EFCAB6: variants seen among roughly 807,000 people sequenced by gnomAD.
The protein encoded by EFCAB6 is EF-hand calcium binding domain 6, also known as EF-hand calcium-binding domain-containing protein 6.
EFCAB6 carries 156 observed loss-of-function variants against 169.8 expected under a neutral mutation model. The observed-to-expected ratio is 0.92, with a 90% CI of 0.81 to 1.05. The LOEUF (loss-of-function observed/expected upper bound fraction) is 1.05, where lower values mean the gene tolerates loss of function less well. Ranked by LOEUF, EFCAB6 falls within the 50% of genes least tolerant of loss-of-function variation. EFCAB6 has a pLI of 0.00. For synonymous variants in EFCAB6, 698 were observed against 676.4 expected, an observed-to-expected ratio of 1.03 and a Z score of -0.50; for missense variants, 1,800 against 1,829.1, an observed-to-expected ratio of 0.98 and a Z score of 0.29.
chr22:43,621,158 G>C (rs867993153), intron 20 of EFCAB6, among the ~76,000 whole-genome samples: 1 of 150,328 alleles, frequency 6.7e-6, no homozygotes, highest in Non-Finnish European at 1.5e-5. Flanking sequence ...GTGCGATCTC[G>C]GCTCACTGCA....
intron 10 of EFCAB6, among the ~76,000 whole-genome samples, chr22:43,699,609 G>T (rs938034307): frequency 1.3e-5 from 2 of 152,174 alleles, no homozygotes; most frequent in African/African-American, 4.8e-5. Flanking sequence ...TAAGCATACA[G>T]AATGATTCCA....
At chr22:43,679,211 C>A (rs552055889) in intron 12 of EFCAB6, among the ~76,000 whole-genome samples, 84 of 152,274 alleles carry the variant, frequency 5.5e-4, no homozygotes, top group African/African-American at 1.9e-3. Context: ...TAGATATTTG[C>A]CTTTTTCTGG....
chr22:43,570,598 C>T (rs1160905234), intron 26 of EFCAB6, among the ~76,000 whole-genome samples: 3 of 138,642 alleles, frequency 2.2e-5, no homozygotes, highest in Non-Finnish European at 3.0e-5. Flanking sequence ...TGTGTGCTGC[C>T]GTTTAGGTGT....
chr22:43,565,465 T>A (rs1461597170), intron 26 of EFCAB6, among the ~76,000 whole-genome samples: 1 of 152,226 alleles, frequency 6.6e-6, no homozygotes, highest in South Asian at 2.1e-4. Context: ...AAGTAAGCTG[T>A]TGAGCACAGA....
intron 10 of EFCAB6, among the ~76,000 whole-genome samples, chr22:43,707,167 G>C (rs935434896): frequency 6.6e-6 from 1 of 152,210 alleles, no homozygotes; most frequent in African/African-American, 2.4e-5. Context: ...TTGGGATTGT[G>C]CAAGACTGGG....
In EFCAB6 at chr22:43,773,023, C is replaced by T. The variant is rs1337537790; in HGVS notation, c.220G>A (p.Glu74Lys). Residue 74 changes from glutamate (E) to lysine (K), a missense_variant, in exon 4 of 32, where the codon GAG becomes AAG. Coordinates refer to ENST00000262726, the MANE Select transcript of EFCAB6 (RefSeq NM_022785.4). ...AGCAGCTGAAAGGCTTTTTGCAACT[C>T]ATCCCCTCTGTCGGTAATTTTTTGA... ...LFQKITDRGD[E>K]LQKAFQLLDT... The T allele has an allele frequency of 3.7e-6, 6 of 1,614,110 alleles. No individual in the cohort carries two copies. The highest frequency in any genetic ancestry group is 5.1e-6 in the Non-Finnish European group (6 of 1,180,042).
intron 20 of EFCAB6, among the ~76,000 whole-genome samples, chr22:43,618,741 G>A (rs1489272465): frequency 6.6e-6 from 1 of 152,132 alleles, no homozygotes; most frequent in Non-Finnish European, 1.5e-5. Context: ...AGGAATTCCT[G>A]TTTTTGTCTC....
In EFCAB6 at chr22:43,589,821, C is replaced by A. The variant is rs529640772; in HGVS notation, c.3032+253G>T. ...AAAACAACCAAGTAAACAAAAAAAA[C>A]CCCACTGATGTTAAGAAATGGTGGC... On this transcript the variant is annotated intron_variant, in intron 24 of 31. Transcript: ENST00000262726. 4.6e-5 allele frequency among the ~76,000 whole-genome samples: 7 copies of A among 152,168 alleles called. 1 individual carries two copies. In the South Asian group the frequency reaches 6.2e-4, roughly 14 times the overall value.
intron 27 of EFCAB6, among the ~76,000 whole-genome samples, chr22:43,542,952 G>A (rs766659086): frequency 6.6e-6 from 1 of 152,114 alleles, no homozygotes; most frequent in African/African-American, 2.4e-5. Context: ...CAATCATCCC[G>A]TCTCCTTGAG....
chr22:43,642,961 A>C (rs1015472683), intron 17 of EFCAB6, among the ~76,000 whole-genome samples: 8 of 152,196 alleles, frequency 5.3e-5, no homozygotes, highest in Non-Finnish European at 1.0e-4. Context: ...CTTGCAGGAA[A>C]ACAGTGACAG....
intron 21 of EFCAB6, among the ~76,000 whole-genome samples, chr22:43,611,249 T>C (rs749448935): frequency 1.3e-5 from 2 of 152,138 alleles, no homozygotes; most frequent in Non-Finnish European, 2.9e-5. Context: ...CCATTCACAA[T>C]TGCCACAAAA....
chr22:43,530,784 G>T (rs770018138), intron 31 of EFCAB6, 31 bp downstream of exon 31: 1 of 1,611,168 alleles, frequency 6.2e-7, no homozygotes, highest in Non-Finnish European at 8.5e-7. Flanking sequence ...GCTGCTCCCT[G>T]CAGAGGCACT....
chr22:43,540,121 A>G lies in EFCAB6; in HGVS notation c.3879+6T>C. 1 of 1,613,686 alleles carries G rather than the reference A, an allele frequency of 6.2e-7. No homozygotes were observed. Among genetic ancestry groups the G allele is most frequent in the Admixed American group, 1.7e-5 (1 of 60,014 alleles). On this transcript the variant is annotated splice_donor_region_variant and intron_variant, in intron 28 of 31. Transcript: ENST00000262726. ...CCTGGGACACCTGGCAGGATGGAGA[A>G]CTCACACAGGGGTGGCTCTGCGACT...
At chr22:43,711,674 G>A (rs749657898) in intron 9 of EFCAB6, 51 bp from the exon 10 acceptor site, 1 of 1,551,296 alleles carries the variant, frequency 6.4e-7, no homozygotes, top group Non-Finnish European at 8.6e-7. Flanking sequence ...CAACTTCATG[G>A]AGCTATTCAA....
intron 4 of EFCAB6, among the ~76,000 whole-genome samples, chr22:43,766,983 C>G (rs376278498): frequency 1.3e-5 from 2 of 152,260 alleles, no homozygotes; most frequent in South Asian, 2.1e-4. Context: ...GAGATTATTT[C>G]TAAGCAAAAA....
At chr22:43,810,178 T>C (rs1457085829) in intron 1 of EFCAB6, among the ~76,000 whole-genome samples, 2 of 152,322 alleles carry the variant, frequency 1.3e-5, no homozygotes, top group African/African-American at 4.8e-5. Context: ...CACACCCAAC[T>C]TGTACTTTTC....
chr22:43,790,497 G>C (rs2062243337), intron 2 of EFCAB6, among the ~76,000 whole-genome samples: 1 of 152,212 alleles, frequency 6.6e-6, no homozygotes, highest in African/African-American at 2.4e-5. Context: ...CAGATCTACG[G>C]AGACCAGTGG....
intron 8 of EFCAB6, among the ~76,000 whole-genome samples, chr22:43,723,041 G>C (rs1271180600): frequency 6.6e-6 from 1 of 152,194 alleles, no homozygotes; most frequent in African/African-American, 2.4e-5. Context: ...ATGACTTTAA[G>C]GGGTTCAAGA....
intron 25 of EFCAB6, among the ~76,000 whole-genome samples, chr22:43,579,124 G>A (rs1303012196): frequency 9.7e-5 from 12 of 123,362 alleles, no homozygotes; most frequent in South Asian, 5.4e-4. Context: ...CATTCCATAA[G>A]TATAGGCATC....
Sources: allele counts gnomAD v4.1 joint callset (sites outside exome capture counted in the v4.1 genomes callset), GRCh38; gene constraint gnomAD v4.1.1; transcripts MANE v1.5; gene names NCBI Gene and HGNC (gene_info 2026-07-23, HGNC 2026-07-21).